GMNC: variants seen among roughly 807,000 people sequenced by gnomAD.
The protein encoded by GMNC is geminin coiled-coil domain-containing protein 1.
GMNC carries 16 observed loss-of-function variants against 33.6 expected under a neutral mutation model. That is an observed-to-expected ratio of 0.48 (90% CI 0.32 to 0.72). The LOEUF is 0.72. Ranked by LOEUF, GMNC falls within the 30% of genes least tolerant of loss-of-function variation. The pLI is 0.03. For missense variants in GMNC, 393 were observed against 388.9 expected, an observed-to-expected ratio of 1.01 and a Z score of -0.09; for synonymous variants, 156 against 147.3, an observed-to-expected ratio of 1.06 and a Z score of -0.43.
At chr3:190,845,953 C>T in the GMNC span, among the ~76,000 whole-genome samples, 1,592 of 152,156 alleles carry the variant, frequency 0.01, 28 homozygotes, top group African/African-American at 0.037. Context: ...TTGGGGTGGG[C>T]ACTGTGGCTC....
chr3:190,853,901 T>A lies in GMNC; in HGVS notation c.*1394A>T, dbSNP rs1737678077. On this transcript the variant is annotated 3_prime_UTR_variant, in exon 5 of 5. Transcript: ENST00000442080. ...TTATATGCAATCTATCCGCACTTAT[T>A]TAAAAATTAATATGTATCTATTTTT... 1 of 152,154 alleles carries A rather than the reference T, an allele frequency of 6.6e-6. No homozygotes were observed. The highest frequency in any genetic ancestry group is 1.5e-5 in the Non-Finnish European group (1 of 68,000). 9.4% of individuals were successfully genotyped at this position (152,154 alleles called of 1,614,324 possible). A position where few individuals can be genotyped will look rare whatever the true frequency, so the allele number is the denominator to read the frequency against.
downstream of GMNC, among the ~76,000 whole-genome samples, chr3:190,851,161 C>T (rs1378426946): frequency 1.3e-5 from 2 of 152,154 alleles, no homozygotes; most frequent in Non-Finnish European, 2.9e-5. Flanking sequence ...TAATCCTGCT[C>T]AAAATTTTCA....
rs1737865266 is a variant in GMNC at position 190,861,455 on chromosome 3, C to CATCTATCTATCTATCTATCTGTCT, written c.4-598_4-597insAGACAGATAGATAGATAGATAGAT. Reference sequence around the variant, plus strand: ...TCTGTCTGTCTGTCTGTCTGCCTATCATCTATCTATCTATCTATCTATCTA... The same window carrying CATCTATCTATCTATCTATCTGTCT: ...TCTGTCTGTCTGTCTGTCTGCCTATCATCTATCTATCTATCTATCTGTCTATCTATCTATCTATCTATCTATCTA... On this transcript the variant is annotated intron_variant, in intron 1 of 4. Coordinates refer to ENST00000442080, the MANE Select transcript of GMNC (RefSeq NM_001146686.3). This position sits in a 1 kb window ranked among gnomAD's most constrained non-coding sequence, Gnocchi z 5.1. Among the ~76,000 whole-genome samples, 18 of 145,896 alleles carry CATCTATCTATCTATCTATCTGTCT rather than the reference C, an allele frequency of 1.2e-4. No homozygotes were observed. Among genetic ancestry groups the CATCTATCTATCTATCTATCTGTCT allele is most frequent in the Non-Finnish European group, 2.0e-4 (13 of 66,462 alleles).
chr3:190,843,719 T>C, the GMNC span, among the ~76,000 whole-genome samples: 70 of 152,288 alleles, frequency 4.6e-4, no homozygotes, highest in Non-Finnish European at 7.4e-4. Context: ...TCAACCATTG[T>C]GTATTATAGA....
downstream of GMNC, among the ~76,000 whole-genome samples, chr3:190,850,930 T>C (rs1560034889): frequency 6.6e-6 from 1 of 152,102 alleles, no homozygotes; most frequent in East Asian, 1.9e-4. Flanking sequence ...ATTCAAGGAT[T>C]ATTTAAAGTG....
Position 190,855,526 on chromosome 3 carries a change from A to C in GMNC, c.774T>G (p.Thr258=). Residue 258 remains threonine, a synonymous_variant, in exon 5 of 5, where the codon ACT becomes ACG. Transcript: ENST00000442080. ...DRTTPLHSTA[T]HGEDFHILSQ... is the part of the protein sequence containing the mutation. ...AAAGGATGTGGAAATCTTCTCCATG[A>C]GTGGCAGTGCTGTGCAAGGGGGTTG... is the stretch of plus-strand genomic sequence containing the variant. 6.4e-7 allele frequency: 1 copy of C among 1,551,642 alleles called. No individual in the cohort carries two copies. Among genetic ancestry groups the C allele is most frequent in the Non-Finnish European group, 8.7e-7 (1 of 1,146,950 alleles).
chr3:190,855,435 TG>T lies in GMNC; in HGVS notation c.864del (p.Asn289ThrfsTer11). 6.4e-7 allele frequency: 1 copy of T among 1,552,084 alleles called. No individual in the cohort carries two copies. Among genetic ancestry groups the T allele is most frequent in the Non-Finnish European group, 8.7e-7 (1 of 1,147,026 alleles). ...TLPYYTAHVS[P>X]NKTEMAFSTS... ...GTGGAAAATGCCATCTCTGTCTTGT[TG>T]GGTGACACATGAGCAGTATAGTAAG... On this transcript the variant is annotated frameshift_variant, in exon 5 of 5. Coordinates refer to ENST00000442080, the MANE Select transcript of GMNC (RefSeq NM_001146686.3). LOFTEE classifies it high-confidence loss of function.
At position 190,857,848 on chromosome 3, in the gene GMNC, C is replaced by G. The variant is rs373957419; in HGVS notation, c.319G>C (p.Glu107Gln). 1.1e-5 allele frequency: 17 copies of G among 1,551,286 alleles called. No homozygotes were observed. Among genetic ancestry groups the G allele is most frequent in the Non-Finnish European group, 1.5e-5 (17 of 1,146,590 alleles). Residue 107 changes from glutamate to glutamine, a missense_variant, in exon 4 of 5, where the codon GAG becomes CAG. Coordinates refer to ENST00000442080, the MANE Select transcript of GMNC (RefSeq NM_001146686.3). ...AGGTATTGTCTGAGGTGATTATTCT[C>G]TTCGTGTAACCTGGCGAGTTCTTCT... ...KEEELARLHE[E>Q]NNHLRQYLNS... is the part of the protein sequence containing the mutation.
chr3:190,848,039 A>G (rs936506483), downstream of GMNC, among the ~76,000 whole-genome samples: 4 of 152,206 alleles, frequency 2.6e-5, no homozygotes, highest in Non-Finnish European at 5.9e-5. Context: ...GTCTTGAAAA[A>G]TTGAAAAGCT....
Position 190,862,573 on chromosome 3 carries a change from A to G in GMNC, c.3+40T>C, listed in dbSNP as rs138835833. On this transcript the variant is annotated intron_variant, in intron 1 of 4. Transcript: ENST00000442080. This position sits in a 1 kb window ranked among gnomAD's most constrained non-coding sequence, Gnocchi z 4.5. Reference sequence around the variant, plus strand: ...AAGCTTATTAACTTTCAGAGACCCAAGTTTGCCAGCGGACTAGCTAACGCC... The same window carrying G: ...AAGCTTATTAACTTTCAGAGACCCAGGTTTGCCAGCGGACTAGCTAACGCC... The G allele has an allele frequency of 7.8e-5, 115 of 1,483,436 alleles. No homozygotes were observed. The African/African-American group carries it at 1.4e-3, about 18-fold the overall frequency. The allele number at this position is 1,483,436 out of a possible 1,614,324, so 91.9% of individuals were successfully genotyped here.
At chr3:190,848,592 T>G (rs906899349), downstream of GMNC, among the ~76,000 whole-genome samples, 2 of 152,234 alleles carry the variant, frequency 1.3e-5, no homozygotes, top group African/African-American at 4.8e-5. Context: ...TCTAACTGAT[T>G]TAATAGTGTT....
chr3:190,861,455 C>CATCTATCTATCTATCT lies in GMNC; in HGVS notation c.4-613_4-598dup, dbSNP rs11378580. 4.0e-4 allele frequency among the ~76,000 whole-genome samples: 58 copies of CATCTATCTATCTATCT among 146,006 alleles called. No individual in the cohort carries two copies. The highest frequency in any genetic ancestry group is 5.9e-4 in the African/African-American group (23 of 39,254). On this transcript the variant is annotated intron_variant, in intron 1 of 4. Coordinates refer to ENST00000442080, the MANE Select transcript of GMNC (RefSeq NM_001146686.3). This position sits in a 1 kb window ranked among gnomAD's most constrained non-coding sequence, Gnocchi z 5.1. ...TCTGTCTGTCTGTCTGTCTGCCTATCATCTATCTATCTATCTATCTATCTA... is the reference window on the plus strand; with the variant it reads ...TCTGTCTGTCTGTCTGTCTGCCTATCATCTATCTATCTATCTATCTATCTATCTATCTATCTATCTA...
In GMNC at chr3:190,855,783, C is replaced by T. The variant is rs1737721093; in HGVS notation, c.517G>A (p.Glu173Lys). Residue 173 changes from glutamate to lysine, a missense_variant, in exon 5 of 5, where the codon GAA becomes AAA. Coordinates refer to ENST00000442080, the MANE Select transcript of GMNC (RefSeq NM_001146686.3). ...GCTTGTTCTTCACAGTTAGCAAATT[C>T]ACTAGAGAGGTTTCTTTTGGCATTT... Reference protein sequence around the residue: ...PKNAKRNLSSEFANCEEQAGP... With the variant: ...PKNAKRNLSSKFANCEEQAGP... 5 of 1,551,540 alleles carry T rather than the reference C, an allele frequency of 3.2e-6. No homozygotes were observed. Among genetic ancestry groups the T allele is most frequent in the Non-Finnish European group, 4.4e-6 (5 of 1,146,904 alleles).
the GMNC span, among the ~76,000 whole-genome samples, chr3:190,847,016 T>C: frequency 6.6e-6 from 1 of 152,212 alleles, no homozygotes; most frequent in African/African-American, 2.4e-5. Context: ...AGATGGTCTT[T>C]TCTTGACATA....
chr3:190,855,194 T>A lies in GMNC; in HGVS notation c.*101A>T. On this transcript the variant is annotated 3_prime_UTR_variant, in exon 5 of 5. Coordinates refer to ENST00000442080, the MANE Select transcript of GMNC (RefSeq NM_001146686.3). The stretch of plus-strand genomic sequence containing the variant: ...TGACATTTAAAGTGGCAGGAGACAG[T>A]CTAAGCAACAGCTTCTGTGTTCCAC... 1 of 1,206,076 alleles carries A rather than the reference T, an allele frequency of 8.3e-7. No individual in the cohort carries two copies. The allele number at this position is 1,206,076 out of a possible 1,614,324, so 74.7% of individuals were successfully genotyped here.
At chr3:190,847,235 C>T in the GMNC span, among the ~76,000 whole-genome samples, 2 of 152,088 alleles carry the variant, frequency 1.3e-5, no homozygotes, top group South Asian at 4.1e-4. Flanking sequence ...ATCTATTGCC[C>T]CAACATAGCT....
At chr3:190,844,779 TTAAAG>T in the GMNC span, among the ~76,000 whole-genome samples, 9 of 152,170 alleles carry the variant, frequency 5.9e-5, no homozygotes. Context: ...CAAAGAAATA[TTAAAG>T]TATTCAAATA....
chr3:190,857,735 C>A, intron 4 of GMNC, 48 bp downstream of exon 4: 3 of 947,330 alleles, frequency 3.2e-6, no homozygotes, highest in South Asian at 2.8e-5. Context: ...TTTCCTTTCT[C>A]AAATCACTGC....
rs1454510028 is a variant in GMNC, at chr3:190,861,467, T to TATC, written c.4-612_4-610dup. Among the ~76,000 whole-genome samples the TATC allele has an allele frequency of 6.8e-6, 1 of 146,648 alleles. No individual in the cohort carries two copies. Among genetic ancestry groups the TATC allele is most frequent in the Non-Finnish European group, 1.5e-5 (1 of 66,498 alleles). On this transcript the variant is annotated intron_variant, in intron 1 of 4. Transcript: ENST00000442080. The surrounding 1 kb of genome is among the most constrained non-coding windows in gnomAD (Gnocchi z 5.1). ...TCTGTCTGCCTATCATCTATCTATC[T>TATC]ATCTATCTATCTATCTATCTATCTA... is the stretch of plus-strand genomic sequence containing the variant.
Sources: allele counts gnomAD v4.1 joint callset (sites outside exome capture counted in the v4.1 genomes callset), GRCh38; gene constraint gnomAD v4.1.1; non-coding constraint Gnocchi (gnomAD v3.1); transcripts MANE v1.5; gene names NCBI Gene and HGNC (gene_info 2026-07-23, HGNC 2026-07-21).